The following PDE12 variants were observed in gnomAD, a reference collection of about 807,000 sequenced individuals.
PDE12 encodes the protein 2',5'-phosphodiesterase 12.
A neutral mutation model predicts 45.4 loss-of-function variants in PDE12; 26 were observed. The observed-to-expected ratio is 0.57, with a 90% CI of 0.42 to 0.79. The LOEUF (loss-of-function observed/expected upper bound fraction) is 0.79, where lower values mean the gene tolerates loss of function less well. Among genes scored for constraint, PDE12 ranks in the 30% least tolerant of loss-of-function variants. PDE12 has a pLI of 0.00. For missense variants in PDE12, 668 were observed against 790.0 expected (o/e 0.85, Z 1.85); for synonymous variants, 283 against 323.9 (o/e 0.87, Z 1.36).
chr3:57,652,077 T>C, the PDE12 span, among the ~76,000 whole-genome samples: 1 of 152,082 alleles, frequency 6.6e-6, no homozygotes, highest in Non-Finnish European at 1.5e-5. Flanking sequence ...ATAAATAACA[T>C]CTGTCCACAA....
chr3:57,607,669 T>A, the PDE12 span, among the ~76,000 whole-genome samples: 1 of 151,518 alleles, frequency 6.6e-6, no homozygotes, highest in African/African-American at 2.4e-5. Context: ...ATGAAATGAA[T>A]CAAGAAGTTT....
downstream of PDE12, among the ~76,000 whole-genome samples, chr3:57,569,232 T>C (rs1158878956): frequency 1.3e-5 from 2 of 151,962 alleles, no homozygotes; most frequent in Non-Finnish European, 2.9e-5. Context: ...CTCTCAATAC[T>C]TTCTCCCAAA....
At chr3:57,617,222 C>T in the PDE12 span, among the ~76,000 whole-genome samples, 2 of 152,058 alleles carry the variant, frequency 1.3e-5, no homozygotes, top group Non-Finnish European at 2.9e-5. Flanking sequence ...CTGGGCAACA[C>T]AGTGAGACCT....
At chr3:57,640,905 T>C in the PDE12 span, among the ~76,000 whole-genome samples, 1 of 152,022 alleles carries the variant, frequency 6.6e-6, no homozygotes, top group Admixed American at 6.6e-5. Flanking sequence ...TTCATATACT[T>C]AAACATCTGT....
the PDE12 span, among the ~76,000 whole-genome samples, chr3:57,578,800 C>T: frequency 1.3e-5 from 2 of 149,186 alleles, no homozygotes; most frequent in Non-Finnish European, 3.0e-5. Flanking sequence ...TTCTATACTA[C>T]AAAATAAATG....
chr3:57,557,763 T>A, intron 1 of PDE12, 76 bp downstream of exon 1: 2 of 1,315,096 alleles, frequency 1.5e-6, no homozygotes, highest in Non-Finnish European at 2.1e-6. Context: ...GAGGTGGGGG[T>A]TAAAAGTGCG....
the PDE12 span, among the ~76,000 whole-genome samples, chr3:57,651,608 A>T: frequency 6.6e-6 from 1 of 152,164 alleles, no homozygotes; most frequent in Non-Finnish European, 1.5e-5. Flanking sequence ...CTTTGTGAAT[A>T]TATTAAAAAA....
Position 57,561,228 on chromosome 3 carries a change from ACTAC to A in PDE12, c.*1229_*1232del. 2.0e-6 allele frequency: 2 copies of A among 985,104 alleles called. No individual in the cohort carries two copies. The highest frequency in any genetic ancestry group is 2.4e-6 in the Non-Finnish European group (2 of 829,252). The allele number at this position is 985,104 out of a possible 1,614,324, so 61.0% of individuals were successfully genotyped here. ...AATACAGCACATTACTTTATGAGAA[ACTAC>A]CTACTGATATGGGCTTGAAATTTTG... is the stretch of plus-strand genomic sequence containing the variant. On this transcript the variant is annotated 3_prime_UTR_variant, in exon 3 of 3. Coordinates refer to ENST00000311180, the MANE Select transcript of PDE12 (RefSeq NM_177966.7).
At chr3:57,570,793 T>C (rs1050459104), downstream of PDE12, among the ~76,000 whole-genome samples, 1 of 152,228 alleles carries the variant, frequency 6.6e-6, no homozygotes, top group Non-Finnish European at 1.5e-5. Flanking sequence ...TGTGAAACTT[T>C]TTTGTAGGAA....
the PDE12 span, among the ~76,000 whole-genome samples, chr3:57,612,793 T>G: frequency 5.3e-5 from 8 of 150,688 alleles, no homozygotes; most frequent in African/African-American, 2.0e-4. Context: ...AAAATTCTAT[T>G]AATTTGAAAG....
At chr3:57,646,394 A>G in the PDE12 span, 1 of 1,614,114 alleles carries the variant, frequency 6.2e-7, no homozygotes, top group Non-Finnish European at 8.5e-7. Flanking sequence ...CAACAGCACC[A>G]GCTCCCAGAG....
rs2069773678 is a variant in PDE12 at position 57,565,282 on chromosome 3, C to T, written c.*5278C>T. On this transcript the variant is annotated 3_prime_UTR_variant, in exon 3 of 3. Coordinates refer to ENST00000311180, the MANE Select transcript of PDE12 (RefSeq NM_177966.7). The stretch of plus-strand genomic sequence containing the variant: ...GGGATTATAGGTGTGAGCCAGCACA[C>T]ATAGCCCTTTTTTTAAAAAAATTAA... 3 of 152,282 alleles carry T rather than the reference C, an allele frequency of 2.0e-5. No individual in the cohort carries two copies. The South Asian group carries it at 6.2e-4, about 32-fold the overall frequency. The allele number at this position is 152,282 out of a possible 1,614,324, so 9.4% of individuals were successfully genotyped here.
At chr3:57,591,588 T>C in the PDE12 span, among the ~76,000 whole-genome samples, 1 of 151,914 alleles carries the variant, frequency 6.6e-6, no homozygotes, top group Non-Finnish European at 1.5e-5. Flanking sequence ...TGCCTCGGCC[T>C]CCTGAGTTGC....
downstream of PDE12, among the ~76,000 whole-genome samples, chr3:57,569,478 G>C (rs558428539): frequency 3.3e-5 from 5 of 151,968 alleles, no homozygotes; most frequent in South Asian, 2.1e-4. Flanking sequence ...TCAGCCTCTC[G>C]AGTAGCTGGG....
chr3:57,556,609 G>C lies in PDE12; in HGVS notation c.230G>C (p.Arg77Pro), dbSNP rs1031832746. 2.5e-6 allele frequency: 4 copies of C among 1,611,776 alleles called. No individual in the cohort carries two copies. The highest frequency in any genetic ancestry group is 3.4e-6 in the Non-Finnish European group (4 of 1,178,910). ...GAGCCGCTGGGTCGAGTCCTCAGCC[G>C]CATCGCTACCAATGCCCTAAAGGGT... ...QSEPLGRVLS[R>P]IATNALKGHA... Residue 77 changes from arginine to proline, a missense_variant, in exon 1 of 3, where the codon CGC becomes CCC. By Grantham distance (103) the Arg-to-Pro change is moderately radical. This residue lies in a region of PDE12 where 580 missense variants were observed against 662.9 expected (regional missense o/e 0.87). Coordinates refer to ENST00000311180, the MANE Select transcript of PDE12 (RefSeq NM_177966.7). This position sits in a 1 kb window ranked among gnomAD's most constrained non-coding sequence, Gnocchi z 5.0.
chr3:57,625,042 T>G, the PDE12 span, among the ~76,000 whole-genome samples: 7 of 152,240 alleles, frequency 4.6e-5, no homozygotes, highest in South Asian at 2.1e-4. Flanking sequence ...TAGCTGAGAC[T>G]GCAGGCATGT....
chr3:57,615,225 A>C, the PDE12 span, among the ~76,000 whole-genome samples: 1 of 152,110 alleles, frequency 6.6e-6, no homozygotes, highest in African/African-American at 2.4e-5. Flanking sequence ...AATAACTCAA[A>C]CAGAAAGTTA....
Position 57,559,315 on chromosome 3 carries a change from A to G in PDE12, c.1314A>G (p.Ser438=), listed in dbSNP as rs1017582906. Reference sequence around the variant, plus strand: ...GCACTTTCCGTTTATTTTAGGTTTCAGTTCTTCAGTCTACAAAGGACTCTT... The same window carrying G: ...GCACTTTCCGTTTATTTTAGGTTTCGGTTCTTCAGTCTACAAAGGACTCTT... The part of the protein sequence containing the change: ...VLQRSSVLQV[S]VLQSTKDSSK... Residue 438 remains serine, a synonymous_variant, in exon 2 of 3, where the codon TCA becomes TCG. Transcript: ENST00000311180. The G allele has an allele frequency of 6.2e-7, 1 of 1,606,158 alleles. No individual in the cohort carries two copies. Among genetic ancestry groups the G allele is most frequent in the Non-Finnish European group, 8.5e-7 (1 of 1,175,090 alleles).
At chr3:57,583,925 G>A in the PDE12 span, 2 of 1,608,282 alleles carry the variant, frequency 1.2e-6, no homozygotes, top group Admixed American at 3.3e-5. Flanking sequence ...AATGCTTCCA[G>A]AGAGGCCTAA....
Sources: allele counts gnomAD v4.1 joint callset (sites outside exome capture counted in the v4.1 genomes callset), GRCh38; gene constraint gnomAD v4.1.1; regional missense constraint gnomAD v4.1.1; non-coding constraint Gnocchi (gnomAD v3.1); transcripts MANE v1.5; gene names NCBI Gene and HGNC (gene_info 2026-07-23, HGNC 2026-07-21).